The following UBE2O variants were observed in gnomAD, a reference collection of about 807,000 sequenced individuals.
UBE2O encodes ubiquitin conjugating enzyme E2 O, also known as (E3-independent) E2 ubiquitin-conjugating enzyme.
Under a neutral mutation model 125.8 loss-of-function variants are expected in UBE2O, and 15 were observed. That is an observed-to-expected ratio of 0.12 (90% CI 0.08 to 0.18). UBE2O has a LOEUF of 0.18. Ranked by LOEUF, UBE2O falls within the 10% of genes least tolerant of loss-of-function variation. UBE2O has a pLI of 1.00. For synonymous variants in UBE2O, 708 were observed against 703.2 expected, an observed-to-expected ratio of 1.01 and a Z score of -0.11; for missense variants, 1,280 against 1,723.6, an observed-to-expected ratio of 0.74 and a Z score of 4.56.
chr17:76,400,978 G>A lies in UBE2O; in HGVS notation c.894+33C>T. ...TCAGCTCCAGGGTGTGGAGGTCAAG[G>A]ACTCCATCTCCTACCCTTGGGCCCG... On this transcript the variant is annotated intron_variant, in intron 6 of 17. Transcript: ENST00000319380. The surrounding 1 kb of genome is among the most constrained non-coding windows in gnomAD (Gnocchi z 4.3). 6.2e-7 allele frequency: 1 copy of A among 1,611,138 alleles called. No homozygotes were observed. The highest frequency in any genetic ancestry group is 8.5e-7 in the Non-Finnish European group (1 of 1,178,800).
At chr17:76,423,819 G>A (rs551543582) in intron 1 of UBE2O, among the ~76,000 whole-genome samples, 36 of 151,020 alleles carry the variant, frequency 2.4e-4, no homozygotes, top group Admixed American at 2.1e-3. Flanking sequence ...CACAGTGTCC[G>A]CAAAGGAACC....
At chr17:76,432,444 G>A (rs1266866325) in intron 1 of UBE2O, among the ~76,000 whole-genome samples, 1 of 152,124 alleles carries the variant, frequency 6.6e-6, no homozygotes, top group African/African-American at 2.4e-5. Flanking sequence ...TTGAAAGCTT[G>A]CCCACTGTCC....
In UBE2O at chr17:76,430,343, A is replaced by AT. The variant is rs942332071; in HGVS notation, c.417+22381dup. The AT allele has an allele frequency of 1.2e-3, 184 of 152,716 alleles. 1 individual carries two copies. The highest frequency in any genetic ancestry group is 3.6e-3 in the African/African-American group (147 of 41,122). The allele number at this position is 152,716 out of a possible 1,614,324, so 9.5% of individuals were successfully genotyped here. On this transcript the variant is annotated intron_variant, in intron 1 of 17. Transcript: ENST00000319380. ...TTTACCTAAAGTATGCTAACCGAAG[A>AT]TTTTTTTTTTCAATTTGAGAGCAGG...
rs1185523314 is a variant in UBE2O at position 76,452,506 on chromosome 17, G to A, written c.417+219C>T. On this transcript the variant is annotated intron_variant, in intron 1 of 17. Transcript: ENST00000319380. The surrounding 1 kb of genome is among the most constrained non-coding windows in gnomAD (Gnocchi z 4.4). The stretch of plus-strand genomic sequence containing the variant: ...AGTCCCCTCAAGTCGGGAAGCCCAG[G>A]GCCCGCCCGGTCCCGGGCCAGCAGT... Among the ~76,000 whole-genome samples the A allele has an allele frequency of 6.6e-6, 1 of 152,184 alleles. No individual in the cohort carries two copies. The highest frequency in any genetic ancestry group is 6.5e-5 in the Admixed American group (1 of 15,288).
chr17:76,419,991 C>T (rs775245265), intron 1 of UBE2O, among the ~76,000 whole-genome samples: 3 of 152,166 alleles, frequency 2.0e-5, no homozygotes, highest in Non-Finnish European at 4.4e-5. Flanking sequence ...CCTGCAACTG[C>T]GAATGCACAG....
At position 76,390,496 on chromosome 17, in the gene UBE2O, T is replaced by G; in HGVS notation, c.*447A>C. ...GGTCTGGGACACAGGGAGGCTTGAGTTGAACTAAACAGGTTGAAAGGGACC... is the reference window on the plus strand; with the variant it reads ...GGTCTGGGACACAGGGAGGCTTGAGGTGAACTAAACAGGTTGAAAGGGACC... On this transcript the variant is annotated 3_prime_UTR_variant, in exon 18 of 18. Transcript: ENST00000319380. The G allele has an allele frequency of 6.4e-6, 1 of 156,688 alleles. No homozygotes were observed. Among genetic ancestry groups the G allele is most frequent in the Non-Finnish European group, 1.4e-5 (1 of 71,358 alleles). The allele number at this position is 156,688 out of a possible 1,614,324, so 9.7% of individuals were successfully genotyped here.
chr17:76,407,135 GGA>G (rs2072437323), intron 1 of UBE2O, among the ~76,000 whole-genome samples: 2 of 152,182 alleles, frequency 1.3e-5, no homozygotes, highest in Admixed American at 1.3e-4. Context: ...TGGCTGAGGT[GGA>G]GTCACCAAGG....
intron 1 of UBE2O, among the ~76,000 whole-genome samples, chr17:76,415,240 C>T (rs2072581776): frequency 6.6e-6 from 1 of 152,152 alleles, no homozygotes; most frequent in African/African-American, 2.4e-5. Context: ...CTGCTAATCA[C>T]ACAAACTGAT....
chr17:76,417,511 C>G (rs967337342), intron 1 of UBE2O, among the ~76,000 whole-genome samples: 1 of 152,188 alleles, frequency 6.6e-6, no homozygotes, highest in East Asian at 1.9e-4. Context: ...AGAGTATTAA[C>G]CACCTCCTTG....
In UBE2O at chr17:76,400,592, G is replaced by C. The variant is rs2072304829; in HGVS notation, c.895-42C>G. ...GGACACGCCAGTCAGGGCAGGCTCT[G>C]ACAGCACTCTCTTTAGCCAGCTGCC... is the stretch of plus-strand genomic sequence containing the variant. On this transcript the variant is annotated intron_variant, in intron 6 of 17. Transcript: ENST00000319380. This position sits in a 1 kb window ranked among gnomAD's most constrained non-coding sequence, Gnocchi z 4.3. 1 of 1,423,056 alleles carries C rather than the reference G, an allele frequency of 7.0e-7. No homozygotes were observed. Among genetic ancestry groups the C allele is most frequent in the East Asian group, 2.3e-5 (1 of 43,270 alleles). The allele number at this position is 1,423,056 out of a possible 1,614,324, so 88.2% of individuals were successfully genotyped here. A position where few individuals can be genotyped will look rare whatever the true frequency, so the allele number is the denominator to read the frequency against.
Position 76,396,100 on chromosome 17 carries a change from G to C in UBE2O, c.2809+28C>G. 1 of 1,606,712 alleles carries C rather than the reference G, an allele frequency of 6.2e-7. No homozygotes were observed. The highest frequency in any genetic ancestry group is 8.5e-7 in the Non-Finnish European group (1 of 1,176,182). On this transcript the variant is annotated intron_variant, in intron 14 of 17. Transcript: ENST00000319380. The surrounding 1 kb of genome is among the most constrained non-coding windows in gnomAD (Gnocchi z 6.7). ...CAGGAGCCCCGAGAAGGCGGGGGAA[G>C]GCGAAGACCAGGCAAGGGCTGACTC...
At chr17:76,438,657 G>T (rs932894219) in intron 1 of UBE2O, among the ~76,000 whole-genome samples, 1 of 152,082 alleles carries the variant, frequency 6.6e-6, no homozygotes, top group Admixed American at 6.6e-5. Context: ...AGATTTTACT[G>T]GGGGGTTAGG....
intron 1 of UBE2O, among the ~76,000 whole-genome samples, chr17:76,406,807 C>T (rs911209019): frequency 2.8e-5 from 4 of 144,030 alleles, no homozygotes; most frequent in African/African-American, 5.2e-5. Context: ...TCAAGCAATT[C>T]TCCCGTCTCA....
intron 1 of UBE2O, among the ~76,000 whole-genome samples, chr17:76,421,926 G>A (rs1272390015): frequency 1.3e-5 from 2 of 152,184 alleles, no homozygotes; most frequent in Admixed American, 1.3e-4. Context: ...CTGCATCTGA[G>A]GACCCATCCC....
Position 76,391,568 on chromosome 17 carries a change from T to C in UBE2O, c.3254A>G (p.Asp1085Gly). 6.2e-7 allele frequency: 1 copy of C among 1,614,142 alleles called. No homozygotes were observed. Residue 1085 changes from aspartate (D) to glycine (G), a missense_variant, in exon 18 of 18, where the codon GAC becomes GGC. By Grantham distance (94) the Asp-to-Gly change is moderately conservative. This residue lies in a region of UBE2O where 233 missense variants were observed against 279.0 expected (regional missense o/e 0.84). Coordinates refer to ENST00000319380, the MANE Select transcript of UBE2O (RefSeq NM_022066.4). The surrounding 1 kb of genome is among the most constrained non-coding windows in gnomAD (Gnocchi z 8.4). Reference sequence around the variant, plus strand: ...GCCTTCCTGCAGGCCTCGGTCACTGTCGAAGCCGGCTTCGTTGTAGTATGG... The same window carrying C: ...GCCTTCCTGCAGGCCTCGGTCACTGCCGAAGCCGGCTTCGTTGTAGTATGG... ...NEPYYNEAGF[D>G]SDRGLQEGYE...
At chr17:76,434,992 T>G (rs7207983) in intron 1 of UBE2O, among the ~76,000 whole-genome samples, 38,931 of 151,620 alleles carry the variant, frequency 0.26, 5,528 homozygotes, top group East Asian at 0.49. Flanking sequence ...AGAGCTGGGC[T>G]CTCCCTGCAG....
intron 1 of UBE2O, among the ~76,000 whole-genome samples, chr17:76,414,471 A>G (rs2072565550): frequency 6.6e-6 from 1 of 152,232 alleles, no homozygotes; most frequent in Admixed American, 6.5e-5. Context: ...TCCTGTCTGG[A>G]TGGCGGTGGG....
Position 76,452,554 on chromosome 17 carries a change from G to A in UBE2O, c.417+171C>T, listed in dbSNP as rs2073269482. Among the ~76,000 whole-genome samples the A allele has an allele frequency of 6.6e-6, 1 of 152,202 alleles. No individual in the cohort carries two copies. The highest frequency in any genetic ancestry group is 6.5e-5 in the Admixed American group (1 of 15,290). On this transcript the variant is annotated intron_variant, in intron 1 of 17. Transcript: ENST00000319380. This position sits in a 1 kb window ranked among gnomAD's most constrained non-coding sequence, Gnocchi z 4.4. ...AGTGCCTGGCTGGCGTGTGCGCCCA[G>A]AGCTGCTGCAATGACTTTGCATGGA...
At position 76,396,751 on chromosome 17, in the gene UBE2O, G is replaced by T; in HGVS notation, c.2186C>A (p.Ala729Glu). The change falls in exon 14 of 18, where the codon GCA (alanine) becomes GAA (glutamate). Residue 729 changes from alanine (A) to glutamate (E), a missense_variant. Coordinates refer to ENST00000319380, the MANE Select transcript of UBE2O (RefSeq NM_022066.4). This position sits in a 1 kb window ranked among gnomAD's most constrained non-coding sequence, Gnocchi z 6.7. ...YDSVEGSTSG[A>E]SSDEWEDDSD... The stretch of plus-strand genomic sequence containing the variant: ...ATCATCTTCCCATTCATCCGAGGAT[G>T]CCCCGCTGGTGCTGCCTTCTACCGA... 6.2e-7 allele frequency: 1 copy of T among 1,613,838 alleles called. No individual in the cohort carries two copies. Among genetic ancestry groups the T allele is most frequent in the Non-Finnish European group, 8.5e-7 (1 of 1,179,864 alleles).
Sources: allele counts gnomAD v4.1 joint callset (sites outside exome capture counted in the v4.1 genomes callset), GRCh38; gene constraint gnomAD v4.1.1; regional missense constraint gnomAD v4.1.1; non-coding constraint Gnocchi (gnomAD v3.1); transcripts MANE v1.5; gene names NCBI Gene and HGNC (gene_info 2026-07-23, HGNC 2026-07-21).